The following SH3GL3 variants were observed in gnomAD, a reference collection of about 807,000 sequenced individuals.
The protein encoded by SH3GL3 is endophilin-A3.
Under a neutral mutation model 47.7 loss-of-function variants are expected in SH3GL3, and 33 were observed. The ratio of observed to expected loss-of-function variants is 0.69; its 90% CI spans 0.52 to 0.92. The LOEUF (loss-of-function observed/expected upper bound fraction) is 0.92. Among genes scored for constraint, SH3GL3 ranks in the 40% least tolerant of loss-of-function variants. The pLI, the probability that SH3GL3 is intolerant of heterozygous loss-of-function variation, is 0.00. For missense variants in SH3GL3, 363 were observed against 417.8 expected (o/e 0.87, Z 1.14); for synonymous variants, 155 against 148.8 (o/e 1.04, Z -0.30).
chr15:83,473,606 G>GGCAC (rs1388553247), intron 1 of SH3GL3, among the ~76,000 whole-genome samples: 2 of 151,012 alleles, frequency 1.3e-5, no homozygotes, highest in Middle Eastern at 3.2e-3. Flanking sequence ...GGAGTGCAGT[G>GGCAC]GCACGATCTT....
chr15:83,627,429 G>A, the SH3GL3 span, among the ~76,000 whole-genome samples: 1 of 151,432 alleles, frequency 6.6e-6, no homozygotes, highest in African/African-American at 2.4e-5. Flanking sequence ...GAAAAGGGAT[G>A]TTCTACTTAA....
rs761440957 is a variant in SH3GL3 at position 83,618,260 on chromosome 15, G to A, written c.1017G>A (p.Val339=). 1.2e-6 allele frequency: 2 copies of A among 1,610,342 alleles called. No homozygotes were observed. Among genetic ancestry groups the A allele is most frequent in the Admixed American group, 1.7e-5 (1 of 60,020 alleles). The change falls in exon 9 of 9, where the codon GTG becomes GTA. Residue 339 remains valine, a synonymous_variant. Transcript: ENST00000427482. ...GESGFFPINY[V]EVIVPLPQ is the part of the protein sequence containing the mutation. The stretch of plus-strand genomic sequence containing the variant: ...CGGGATTCTTCCCCATTAATTACGT[G>A]GAAGTGATCGTGCCTTTACCTCAGT...
At chr15:83,556,321 T>C (rs1402830296) in intron 1 of SH3GL3, among the ~76,000 whole-genome samples, 1 of 152,248 alleles carries the variant, frequency 6.6e-6, no homozygotes, top group Non-Finnish European at 1.5e-5. Flanking sequence ...GTATTTATAC[T>C]TAATGTATCA....
chr15:83,598,480 A>G (rs1310372875), intron 8 of SH3GL3, among the ~76,000 whole-genome samples: 1 of 152,154 alleles, frequency 6.6e-6, no homozygotes, highest in African/African-American at 2.4e-5. Context: ...GCAACCTTAA[A>G]AAGTCCTATT....
At chr15:83,530,331 G>T (rs1414414166) in intron 1 of SH3GL3, among the ~76,000 whole-genome samples, 1 of 152,132 alleles carries the variant, frequency 6.6e-6, no homozygotes, top group Non-Finnish European at 1.5e-5. Flanking sequence ...AGGAGTCAAT[G>T]GTGGGAATGT....
chr15:83,525,897 T>G (rs1025213505), intron 1 of SH3GL3, among the ~76,000 whole-genome samples: 10 of 152,174 alleles, frequency 6.6e-5, no homozygotes, highest in African/African-American at 2.4e-4. Context: ...ATTTATATGC[T>G]GATACCGTGA....
Position 83,568,558 on chromosome 15 carries a change from A to C in SH3GL3, c.217A>C (p.Thr73Pro). 6.2e-7 allele frequency: 1 copy of C among 1,613,596 alleles called. No homozygotes were observed. The highest frequency in any genetic ancestry group is 1.1e-5 in the South Asian group (1 of 91,072). Reference protein sequence around the residue: ...AYRAKLGMLNTVSKIRGQVKT... With the variant: ...AYRAKLGMLNPVSKIRGQVKT... ...CAGAGCTAAGCTAGGAATGCTGAAC[A>C]CTGTGTCGAAGATCCGAGGGCAGGT... The change falls in exon 4 of 9, where the codon ACT (threonine) becomes CCT (proline). Residue 73 changes from threonine to proline, a missense_variant. By Grantham distance (38) the Thr-to-Pro change is conservative. Coordinates refer to ENST00000427482, the MANE Select transcript of SH3GL3 (RefSeq NM_003027.5).
At chr15:83,502,126 A>C (rs2042321914) in intron 1 of SH3GL3, among the ~76,000 whole-genome samples, 1 of 152,260 alleles carries the variant, frequency 6.6e-6, no homozygotes, top group Non-Finnish European at 1.5e-5. Flanking sequence ...TCTTTAGATC[A>C]AGTGACAACT....
At chr15:83,505,554 G>A (rs552407711) in intron 1 of SH3GL3, among the ~76,000 whole-genome samples, 5 of 129,542 alleles carry the variant, frequency 3.9e-5, no homozygotes, top group Admixed American at 3.5e-4. Context: ...GAGAGATGGA[G>A]TCTCACTCTC....
intron 1 of SH3GL3, among the ~76,000 whole-genome samples, chr15:83,461,194 C>T (rs2040280332): frequency 6.6e-6 from 1 of 152,006 alleles, no homozygotes; most frequent in African/African-American, 2.4e-5. Context: ...AAATTTTTGT[C>T]ATCCACAGTT....
intron 1 of SH3GL3, among the ~76,000 whole-genome samples, chr15:83,557,391 A>G (rs2045017228): frequency 6.6e-6 from 1 of 152,246 alleles, no homozygotes; most frequent in Non-Finnish European, 1.5e-5. Context: ...TATGCCTTGT[A>G]TCAAGACATT....
intron 5 of SH3GL3, 130 bp downstream of exon 5, chr15:83,572,828 G>C (rs2059576250): frequency 7.7e-6 from 5 of 645,332 alleles, no homozygotes; most frequent in Non-Finnish European, 1.0e-5. Context: ...AAATGACTCA[G>C]TTCTATTTTC....
chr15:83,568,757 C>T (rs2045677890), intron 4 of SH3GL3, 85 bp downstream of exon 4: 3 of 972,112 alleles, frequency 3.1e-6, no homozygotes, highest in East Asian at 2.5e-5. Context: ...AGTCTAACAA[C>T]CTTTGTTATT....
At position 83,596,033 on chromosome 15, in the gene SH3GL3, A is replaced by G. The variant is rs192720493; in HGVS notation, c.838+7262A>G. 2.0e-3 allele frequency among the ~76,000 whole-genome samples: 298 copies of G among 152,160 alleles called. 2 individuals are homozygous for G. Among genetic ancestry groups the G allele is most frequent in the Admixed American group, 0.013 (193 of 15,292 alleles). On this transcript the variant is annotated intron_variant, in intron 8 of 8. Coordinates refer to ENST00000427482, the MANE Select transcript of SH3GL3 (RefSeq NM_003027.5). Reference sequence around the variant, plus strand: ...CGCTATCAATTTCCCCCTAAGTACCACTTGAGCACCATCTCATGCATTTTG... The same window carrying G: ...CGCTATCAATTTCCCCCTAAGTACCGCTTGAGCACCATCTCATGCATTTTG...
chr15:83,510,263 C>A (rs1056741877), intron 1 of SH3GL3, among the ~76,000 whole-genome samples: 8 of 152,114 alleles, frequency 5.3e-5, no homozygotes, highest in African/African-American at 1.7e-4. Context: ...TAGAAAGAAT[C>A]TTTGCTTTAT....
chr15:83,602,518 C>T (rs1218972380), intron 8 of SH3GL3, among the ~76,000 whole-genome samples: 2 of 152,156 alleles, frequency 1.3e-5, no homozygotes, highest in African/African-American at 2.4e-5. Context: ...GGGCACAAAT[C>T]CTACTCATGA....
chr15:83,557,751 A>G (rs1021075243), intron 1 of SH3GL3, among the ~76,000 whole-genome samples: 1 of 152,204 alleles, frequency 6.6e-6, no homozygotes, highest in Non-Finnish European at 1.5e-5. Context: ...GTAGAAGCAC[A>G]CAAGATCTCT....
Position 83,474,774 on chromosome 15 carries a change from C to T in SH3GL3, c.45+27196C>T, listed in dbSNP as rs567496843. ...TTGCCCATGTGCTGTTGTGTTAATC[C>T]GTTGAAGGAGCTTGGCTGGCAGAAT... On this transcript the variant is annotated intron_variant, in intron 1 of 8. Coordinates refer to ENST00000427482, the MANE Select transcript of SH3GL3 (RefSeq NM_003027.5). 2.4e-4 allele frequency among the ~76,000 whole-genome samples: 37 copies of T among 152,124 alleles called. 1 individual carries two copies. Among genetic ancestry groups the T allele is most frequent in the African/African-American group, 8.0e-4 (33 of 41,480 alleles).
chr15:83,564,942 GA>G (rs1027128200), intron 2 of SH3GL3, among the ~76,000 whole-genome samples, 191 bp from the exon 3 acceptor site: 1 of 152,086 alleles, frequency 6.6e-6, no homozygotes, highest in East Asian at 1.9e-4. Context: ...TCACTTGAAG[GA>G]AATGATGTTC....
Sources: gnomAD v4.1 joint callset for allele counts (sites outside exome capture counted in the v4.1 genomes callset) on GRCh38, gnomAD v4.1.1 for gene constraint, MANE v1.5 for transcripts, NCBI Gene and HGNC (gene_info 2026-07-23, HGNC 2026-07-21) for gene names.